Variants in AKAP12 observed in about 807,000 individuals in gnomAD.
The protein encoded by AKAP12 is A-kinase anchor protein 12.
In AKAP12, 32 loss-of-function variants were observed where a neutral mutation model predicts 79.9. That is an observed-to-expected ratio of 0.40 (90% confidence interval 0.30 to 0.54). The LOEUF is 0.54. AKAP12 is among the 20% of genes least tolerant of loss of function. AKAP12 has a pLI of 0.48. For missense variants in AKAP12, 2,074 were observed against 2,177.0 expected (o/e 0.95, Z 0.94); for synonymous variants, 808 against 857.0 (o/e 0.94, Z 1.00).
intron 2 of AKAP12, among the ~76,000 whole-genome samples, chr6:151,283,058 G>A (rs908411961): frequency 6.6e-6 from 1 of 152,182 alleles, no homozygotes; most frequent in African/African-American, 2.4e-5. Context: ...AAAGTGGGTA[G>A]CAGGAGATTT....
intron 3 of AKAP12, among the ~76,000 whole-genome samples, chr6:151,312,764 C>T (rs1777143377): frequency 7.2e-6 from 1 of 138,434 alleles, no homozygotes; most frequent in Non-Finnish European, 1.5e-5. Context: ...TGCACTCCAG[C>T]CTAGGCTACA....
chr6:151,271,812 A>T (rs1776188652), intron 2 of AKAP12, among the ~76,000 whole-genome samples: 1 of 151,934 alleles, frequency 6.6e-6, no homozygotes, highest in South Asian at 2.1e-4. Flanking sequence ...GGCGCTTGCC[A>T]CCACGCCCAG....
chr6:151,335,251 T>C (rs942872801), intron 3 of AKAP12, among the ~76,000 whole-genome samples: 3 of 152,194 alleles, frequency 2.0e-5, no homozygotes, highest in Non-Finnish European at 4.4e-5. Flanking sequence ...TTTAAAGTCT[T>C]CTACAATTTA....
Position 151,349,382 on chromosome 6 carries a change from G to C in AKAP12, c.991G>C (p.Glu331Gln). Residue 331 changes from glutamate (E) to glutamine (Q), a missense_variant, in exon 4 of 5, where the codon GAG becomes CAG. Around this residue, in one of 3 missense-constraint regions of AKAP12, gnomAD observed 1,428 missense variants for 1,451.0 expected, o/e 0.98. Coordinates refer to ENST00000402676, the MANE Select transcript of AKAP12 (RefSeq NM_005100.4). Reference protein sequence around the residue: ...VEASEKKKEQEPEKVDTEEDG... With the variant: ...VEASEKKKEQQPEKVDTEEDG... ...AGCTTCAGAGAAGAAAAAGGAACAA[G>C]AGCCAGAAAAAGTAGACACAGAAGA... is the stretch of plus-strand genomic sequence containing the variant. 1 of 1,613,880 alleles carries C rather than the reference G, an allele frequency of 6.2e-7. No homozygotes were observed. Among genetic ancestry groups the C allele is most frequent in the South Asian group, 1.1e-5 (1 of 91,068 alleles).
chr6:151,342,676 C>T (rs1777982900), intron 3 of AKAP12, among the ~76,000 whole-genome samples: 1 of 152,186 alleles, frequency 6.6e-6, no homozygotes, highest in Non-Finnish European at 1.5e-5. Flanking sequence ...TTTCTATATA[C>T]ATTTTATTAT....
chr6:151,335,759 GCCACTGCAC>G (rs1777796901), intron 3 of AKAP12, among the ~76,000 whole-genome samples: 2 of 152,128 alleles, frequency 1.3e-5, no homozygotes, highest in South Asian at 2.1e-4. Flanking sequence ...AGCCCCGTGA[GCCACTGCAC>G]CTGGCCTTAT....
chr6:151,287,609 C>T (rs537466486), intron 2 of AKAP12, among the ~76,000 whole-genome samples: 140 of 152,240 alleles, frequency 9.2e-4, no homozygotes, highest in Non-Finnish European at 4.9e-4. Context: ...GCTTTTACAC[C>T]GTTGGTCGGA....
intron 2 of AKAP12, among the ~76,000 whole-genome samples, chr6:151,278,213 GTTTGT>G (rs539809940): frequency 1.4e-3 from 192 of 134,112 alleles, no homozygotes; most frequent in African/African-American, 4.7e-3. Context: ...TTTTTTGTTT[GTTTGT>G]TTTGTTTTGT....
At chr6:151,330,180 T>A (rs890268613) in intron 3 of AKAP12, among the ~76,000 whole-genome samples, 1 of 152,162 alleles carries the variant, frequency 6.6e-6, no homozygotes, top group African/African-American at 2.4e-5. Flanking sequence ...AAGATTTAGC[T>A]GTGCATGGTG....
chr6:151,306,019 A>C (rs1290566269), intron 3 of AKAP12, 116 bp downstream of exon 3: 23 of 1,105,978 alleles, frequency 2.1e-5, no homozygotes, highest in South Asian at 3.5e-5. Context: ...AGCAAAAACA[A>C]TCAATTGGTT....
chr6:151,315,004 A>C (rs754793574), intron 3 of AKAP12, among the ~76,000 whole-genome samples: 40 of 150,032 alleles, frequency 2.7e-4, no homozygotes, highest in Non-Finnish European at 4.9e-4. Context: ...ATGAGCCGAG[A>C]TCACACCATT....
At chr6:151,344,377 C>A (rs1046104794) in intron 3 of AKAP12, among the ~76,000 whole-genome samples, 1 of 84,920 alleles carries the variant, frequency 1.2e-5, no homozygotes, top group Non-Finnish European at 2.9e-5. Context: ...ACCTATTCAT[C>A]TATGAATATC....
At chr6:151,322,731 C>A (rs527855779) in intron 3 of AKAP12, among the ~76,000 whole-genome samples, 28 of 140,386 alleles carry the variant, frequency 2.0e-4, no homozygotes, top group Non-Finnish European at 1.2e-4. Flanking sequence ...CGCCACTGGG[C>A]GTGTCCACCA....
In AKAP12 at chr6:151,349,458, C is replaced by A; in HGVS notation, c.1067C>A (p.Ala356Asp). The A allele has an allele frequency of 6.2e-7, 1 of 1,606,500 alleles. No homozygotes were observed. Among genetic ancestry groups the A allele is most frequent in the African/African-American group, 1.4e-5 (1 of 74,024 alleles). ...ASEKLTASEQAHPQEPAESAH... is the reference protein window; with the variant it reads ...ASEKLTASEQDHPQEPAESAH... The stretch of plus-strand genomic sequence containing the variant: ...GAGAAACTGACCGCCTCCGAGCAAG[C>A]CCACCCACAGGAGCCGGCAGAAAGT... Residue 356 changes from alanine (A) to aspartate (D), a missense_variant, in exon 4 of 5, where the codon GCC becomes GAC. Physicochemically the swap from Ala to Asp is moderately radical, Grantham distance 126. This residue lies in a region of AKAP12 where 1,428 missense variants were observed against 1,451.0 expected (regional missense o/e 0.98). Coordinates refer to ENST00000402676, the MANE Select transcript of AKAP12 (RefSeq NM_005100.4).
At chr6:151,262,290 T>C (rs1477735497) in intron 2 of AKAP12, among the ~76,000 whole-genome samples, 3 of 152,206 alleles carry the variant, frequency 2.0e-5, no homozygotes, top group Non-Finnish European at 4.4e-5. Flanking sequence ...CTTGCTGGTC[T>C]GCTACACGTT....
intron 3 of AKAP12, among the ~76,000 whole-genome samples, chr6:151,331,582 ACTGCAT>A (rs1224551788): frequency 6.6e-6 from 1 of 152,084 alleles, no homozygotes; most frequent in Admixed American, 6.6e-5. Context: ...CTTTATTTTT[ACTGCAT>A]CTTTTTAAAA....
At chr6:151,276,886 A>G (rs898278421) in intron 2 of AKAP12, among the ~76,000 whole-genome samples, 23 of 152,150 alleles carry the variant, frequency 1.5e-4, no homozygotes, top group African/African-American at 4.6e-4. Context: ...CTCTAAGTCT[A>G]TCTTTTATGG....
intron 3 of AKAP12, among the ~76,000 whole-genome samples, chr6:151,345,883 ATGTGTGTGTATATG>A (rs1562750276): frequency 3.6e-5 from 4 of 110,000 alleles, no homozygotes; most frequent in African/African-American, 1.2e-4. Flanking sequence ...TATGTGAAGG[ATGTGTGTGTATATG>A]TGTGTGTGTG....
intron 2 of AKAP12, among the ~76,000 whole-genome samples, chr6:151,266,586 A>G (rs774643622): frequency 2.0e-5 from 3 of 152,226 alleles, no homozygotes; most frequent in African/African-American, 2.4e-5. Context: ...GTCTCACCAT[A>G]TAAGTGTTCA....
Sources: gnomAD v4.1 joint callset for allele counts (sites outside exome capture counted in the v4.1 genomes callset) on GRCh38, gnomAD v4.1.1 for gene constraint, gnomAD v4.1.1 regional missense constraint, MANE v1.5 for transcripts, NCBI Gene and HGNC (gene_info 2026-07-23, HGNC 2026-07-21) for gene names.